The following TEX11 variants were observed in gnomAD, a reference collection of about 807,000 sequenced individuals.
TEX11 encodes testis expressed 11.
TEX11 carries 7 observed loss-of-function variants against 84.4 expected under a neutral mutation model. That is an observed-to-expected ratio of 0.08 (90% CI 0.05 to 0.16). The LOEUF is 0.16. Among genes scored for constraint, TEX11 ranks in the 10% least tolerant of loss-of-function variants. TEX11 has a pLI of 1.00. For synonymous variants in TEX11, 264 were observed against 222.8 expected (o/e 1.18, Z -1.64); for missense variants, 551 against 660.5 (o/e 0.83, Z 1.82).
intron 8 of TEX11, among the ~76,000 whole-genome samples, chrX:70,831,732 T>C (rs958552135): frequency 9.0e-6 from 1 of 111,434 alleles, no homozygotes; most frequent in Non-Finnish European, 1.9e-5. Flanking sequence ...TATAATAATG[T>C]ATTGTATACT....
At chrX:70,671,879 TGA>T (rs2090025061) in intron 15 of TEX11, among the ~76,000 whole-genome samples, 2 of 38,154 alleles carry the variant, frequency 5.2e-5, no homozygotes, top group African/African-American at 1.8e-4. Flanking sequence ...ACAATTGTTT[TGA>T]TATATATATA....
chrX:70,898,032 C>T (rs1326692239), intron 2 of TEX11, among the ~76,000 whole-genome samples: 3 of 111,474 alleles, frequency 2.7e-5, no homozygotes, highest in Non-Finnish European at 5.6e-5. Flanking sequence ...CTGATGTCTA[C>T]GTGTCTCCTT....
intron 20 of TEX11, among the ~76,000 whole-genome samples, chrX:70,610,801 G>A (rs2089252051): frequency 8.9e-6 from 1 of 111,885 alleles, no homozygotes; most frequent in South Asian, 3.7e-4. Context: ...CAATGACAAG[G>A]TTTTATATTG....
intron 2 of TEX11, among the ~76,000 whole-genome samples, chrX:70,895,851 C>T (rs779105248): frequency 2.7e-5 from 3 of 112,011 alleles, no homozygotes; most frequent in Admixed American, 1.9e-4. Flanking sequence ...CCCTTCCCTA[C>T]ACCTTATACA....
intron 9 of TEX11, among the ~76,000 whole-genome samples, chrX:70,751,282 A>T (rs1214977369): frequency 9.3e-6 from 1 of 107,707 alleles, no homozygotes; most frequent in Non-Finnish European, 1.9e-5. Flanking sequence ...GCACATATAC[A>T]CCATGGAATA....
At chrX:70,873,352 A>T (rs2091639203) in intron 3 of TEX11, 45 bp from the exon 4 acceptor site, 1 of 837,241 alleles carries the variant, frequency 1.2e-6, no homozygotes, top group African/African-American at 2.0e-5. Context: ...AATACTGGCC[A>T]CCTCCAACGG....
chrX:70,539,038 A>ATATATTTTTTTTT lies in TEX11; in HGVS notation c.2521-9040_2521-9039insAAAAAAAAATATA. On this transcript the variant is annotated intron_variant, in intron 28 of 29. Transcript: ENST00000374333. ...CTTGGAAATATATATATATATATATATTTTTTTTTTTTTTAAGATGGAGTC... is the reference window on the plus strand; with the variant it reads ...CTTGGAAATATATATATATATATATATATATTTTTTTTTTTTTTTTTTTTTTTAAGATGGAGTC... 2.1e-3 allele frequency among the ~76,000 whole-genome samples: 86 copies of ATATATTTTTTTTT among 41,237 alleles called. 1 individual carries two copies. The highest frequency in any genetic ancestry group is 2.7e-3 in the Admixed American group (5 of 1,865). The allele number at this position is 41,237 out of a possible 115,157, so 35.8% of individuals were successfully genotyped here.
Position 70,610,558 on chromosome X carries a change from A to C in TEX11, c.1752-15T>G, listed in dbSNP as rs765153770. ...TTTCTTTCTTCCTAAAAATAAAGAA[A>C]AGGATATTTTCCAACTGCTCCAAAT... On this transcript the variant is annotated splice_polypyrimidine_tract_variant and intron_variant, in intron 20 of 29. Coordinates refer to ENST00000374333, the MANE Select transcript of TEX11 (RefSeq NM_031276.3). 8 of 1,198,007 alleles carry C rather than the reference A, an allele frequency of 6.7e-6. No individual in the cohort carries two copies. Among genetic ancestry groups the C allele is most frequent in the Non-Finnish European group, 9.0e-6 (8 of 885,875 alleles).
chrX:70,536,931 G>T (rs2087967007), intron 28 of TEX11, among the ~76,000 whole-genome samples: 1 of 111,865 alleles, frequency 8.9e-6, no homozygotes, highest in Non-Finnish European at 1.9e-5. Flanking sequence ...CAAGAACATG[G>T]TATATATTTC....
intron 9 of TEX11, among the ~76,000 whole-genome samples, chrX:70,770,035 G>A (rs73544719): frequency 0.072 from 7,999 of 111,044 alleles, 598 homozygotes; most frequent in African/African-American, 0.22. Flanking sequence ...GTGGTACATA[G>A]TAGTTAACTG....
chrX:70,760,052 A>T (rs984557746), intron 9 of TEX11, among the ~76,000 whole-genome samples: 1 of 111,537 alleles, frequency 9.0e-6, no homozygotes, highest in Non-Finnish European at 1.9e-5. Flanking sequence ...GAATCCAACT[A>T]ACAAGGGATG....
At chrX:70,742,636 G>A (rs2090741136) in intron 10 of TEX11, among the ~76,000 whole-genome samples, 1 of 109,982 alleles carries the variant, frequency 9.1e-6, no homozygotes, top group African/African-American at 3.3e-5. Flanking sequence ...GGTTAAGAAG[G>A]GAGGACTGCT....
At chrX:70,711,523 A>T (rs1180819038) in intron 13 of TEX11, among the ~76,000 whole-genome samples, 5 of 111,105 alleles carry the variant, frequency 4.5e-5, no homozygotes, top group Admixed American at 9.5e-5. Context: ...TTTGATTTGC[A>T]TTTCTCTGAT....
chrX:70,907,729 G>C, intron 2 of TEX11, 24 bp downstream of exon 2: 1 of 1,117,872 alleles, frequency 8.9e-7, no homozygotes, highest in South Asian at 1.8e-5. Context: ...ACACTATTTT[G>C]TACTACCACG....
Position 70,588,253 on chromosome X carries a change from C to T in TEX11, c.2140+3498G>A, listed in dbSNP as rs192451332. Among the ~76,000 whole-genome samples, 11 of 111,256 alleles carry T rather than the reference C, an allele frequency of 9.9e-5. No individual in the cohort carries two copies. In the East Asian group the frequency reaches 1.4e-3, roughly 14 times the overall value. On this transcript the variant is annotated intron_variant, in intron 25 of 29. Coordinates refer to ENST00000374333, the MANE Select transcript of TEX11 (RefSeq NM_031276.3). ...AAGGCACATGAGATTTGGGAGGGTC[C>T]GGGGTGGAACCATATGGTTAGGCTT... is the stretch of plus-strand genomic sequence containing the variant.
intron 3 of TEX11, among the ~76,000 whole-genome samples, chrX:70,875,319 C>T (rs146885068): frequency 0.018 from 1,964 of 110,954 alleles, 54 homozygotes; most frequent in East Asian, 0.13. Context: ...TAATAGTGTT[C>T]TTCATATCAT....
chrX:70,585,128 C>T (rs1211612309), intron 25 of TEX11, among the ~76,000 whole-genome samples: 7 of 111,909 alleles, frequency 6.3e-5, no homozygotes, highest in Admixed American at 9.5e-5. Flanking sequence ...CATGACCCTA[C>T]GTATAGAAAA....
At chrX:70,776,579 AAG>A (rs1272425649) in intron 9 of TEX11, among the ~76,000 whole-genome samples, 3 of 109,223 alleles carry the variant, frequency 2.7e-5, no homozygotes, top group Non-Finnish European at 3.8e-5. Flanking sequence ...AAAAAAAAAA[AAG>A]AAGAAGAATG....
At chrX:70,757,234 G>C (rs2090873802) in intron 9 of TEX11, among the ~76,000 whole-genome samples, 1 of 111,388 alleles carries the variant, frequency 9.0e-6, no homozygotes, top group Non-Finnish European at 1.9e-5. Context: ...AACCTAGCAA[G>C]GCAGGTCAAC....
Sources: allele counts gnomAD v4.1 joint callset (sites outside exome capture counted in the v4.1 genomes callset), GRCh38; gene constraint gnomAD v4.1.1; transcripts MANE v1.5; gene names NCBI Gene and HGNC (gene_info 2026-07-23, HGNC 2026-07-21).